OPCML: variants seen among roughly 807,000 people sequenced by gnomAD.
The protein encoded by OPCML is opioid binding protein/cell adhesion molecule like.
Under a neutral mutation model 37.8 loss-of-function variants are expected in OPCML, and 13 were observed. That is an observed-to-expected ratio of 0.34 (90% CI 0.22 to 0.55). The LOEUF (loss-of-function observed/expected upper bound fraction) is 0.55, where lower values mean the gene tolerates loss of function less well. Among genes scored for constraint, OPCML ranks in the 20% least tolerant of loss-of-function variants. The probability of loss-of-function intolerance (pLI) is 0.91; values close to 1 mark genes in which losing one functional copy is unlikely to be tolerated. For missense variants in OPCML, 341 were observed against 435.6 expected, an observed-to-expected ratio of 0.78 and a Z score of 1.93; for synonymous variants, 176 against 168.8, an observed-to-expected ratio of 1.04 and a Z score of -0.33.
intron 4 of OPCML, among the ~76,000 whole-genome samples, chr11:132,520,763 T>C (rs1430361657): frequency 1.3e-5 from 2 of 152,036 alleles, no homozygotes; most frequent in East Asian, 3.9e-4. Flanking sequence ...ACATTTTCTT[T>C]ATCCAGTCTA....
chr11:133,296,778 TG>T (rs1942641829), intron 1 of OPCML, among the ~76,000 whole-genome samples: 2 of 152,262 alleles, frequency 1.3e-5, no homozygotes, highest in African/African-American at 4.8e-5. Flanking sequence ...TTATTTGTGA[TG>T]TCATTGGTAG....
chr11:132,516,811 C>T (rs143474766), intron 4 of OPCML, among the ~76,000 whole-genome samples: 34 of 152,222 alleles, frequency 2.2e-4, no homozygotes, highest in African/African-American at 7.7e-4. Context: ...TGCACTCAGT[C>T]GGTGATGACC....
At chr11:133,230,352 A>G (rs1025019231) in intron 1 of OPCML, among the ~76,000 whole-genome samples, 2 of 152,078 alleles carry the variant, frequency 1.3e-5, no homozygotes, top group Non-Finnish European at 2.9e-5. Context: ...GATTGTGGCA[A>G]AGGCATTCAC....
rs1420164636 is a variant in OPCML at position 133,141,931 on chromosome 11, C to CT, written c.62-198922dup. On this transcript the variant is annotated intron_variant, in intron 1 of 7. Coordinates refer to ENST00000524381, the MANE Select transcript of OPCML (RefSeq NM_001012393.5). ...TCCTTTCATTCTCATTACCTCCACC[C>CT]TGACTTTCAAGCTGTCCTCATTACT... Among the ~76,000 whole-genome samples the CT allele has an allele frequency of 3.3e-5, 5 of 152,314 alleles. No homozygotes were observed. The East Asian group carries it at 9.7e-4, about 29-fold the overall frequency.
intron 1 of OPCML, among the ~76,000 whole-genome samples, chr11:133,049,492 T>C (rs1443785440): frequency 1.3e-5 from 2 of 152,166 alleles, no homozygotes; most frequent in Non-Finnish European, 2.9e-5. Context: ...AGTGTCTTCG[T>C]CTGTAAAATG....
At chr11:132,428,233 T>C (rs1481894799) in intron 7 of OPCML, among the ~76,000 whole-genome samples, 2 of 152,176 alleles carry the variant, frequency 1.3e-5, no homozygotes, top group Admixed American at 1.3e-4. Flanking sequence ...AAAATAGTCA[T>C]TTGGCTTCCC....
intron 3 of OPCML, among the ~76,000 whole-genome samples, chr11:132,624,868 G>A (rs1470457823): frequency 1.3e-5 from 2 of 151,964 alleles, no homozygotes; most frequent in African/African-American, 4.8e-5. Flanking sequence ...GCTAGATTTA[G>A]CAAGCACAGC....
intron 1 of OPCML, among the ~76,000 whole-genome samples, chr11:133,277,641 A>G (rs1270813758): frequency 6.6e-6 from 1 of 152,086 alleles, no homozygotes; most frequent in East Asian, 1.9e-4. Context: ...ATGATTCCTT[A>G]TCATATGTAT....
chr11:133,115,373 T>A (rs116197495), intron 1 of OPCML, among the ~76,000 whole-genome samples: 158 of 152,198 alleles, frequency 1.0e-3, no homozygotes, highest in African/African-American at 3.7e-3. Flanking sequence ...ATTACAGTAA[T>A]GGAGGTGAGG....
rs537595259 is a variant in OPCML at position 133,211,060 on chromosome 11, T to C, written c.62-268050A>G. Among the ~76,000 whole-genome samples, 1 of 152,256 alleles carries C rather than the reference T, an allele frequency of 6.6e-6. No individual in the cohort carries two copies. Among genetic ancestry groups the C allele is most frequent in the South Asian group, 2.1e-4 (1 of 4,824 alleles). ...CTCTCTACAAACTATAACCACCTAG[T>C]AATAGAAATGAAATGAGGCATCATT... On this transcript the variant is annotated intron_variant, in intron 1 of 7. Transcript: ENST00000524381. The surrounding 1 kb of genome is among the most constrained non-coding windows in gnomAD (Gnocchi z 4.1).
At chr11:132,469,732 ATGTGTGTGTATGTGTGGAGGGGTGTGAG>A (rs1351399238) in intron 4 of OPCML, among the ~76,000 whole-genome samples, 4 of 85,168 alleles carry the variant, frequency 4.7e-5, no homozygotes, top group Non-Finnish European at 8.6e-5. Context: ...GTGTGTGTGT[ATGTGTGTGTATGTGTGGAGGGGTGTGAG>A]TGTGTGTGTA....
chr11:133,437,188 G>T (rs1384313938), intron 1 of OPCML, among the ~76,000 whole-genome samples: 1 of 152,152 alleles, frequency 6.6e-6, no homozygotes, highest in Non-Finnish European at 1.5e-5. Context: ...GACCCAGATT[G>T]TAGTTTGTTA....
Position 132,416,151 on chromosome 11 carries a change from CT to C in OPCML, c.*4041del, listed in dbSNP as rs1270374499. ...TTTTTCCAAAAAGAAAAACCTTATG[CT>C]GCTTCCCTTAATTCCAAAGGGATTG... On this transcript the variant is annotated 3_prime_UTR_variant, in exon 8 of 8. Coordinates refer to ENST00000524381, the MANE Select transcript of OPCML (RefSeq NM_001012393.5). 1 of 152,198 alleles carries C rather than the reference CT, an allele frequency of 6.6e-6. No individual in the cohort carries two copies. Among genetic ancestry groups the C allele is most frequent in the East Asian group, 1.9e-4 (1 of 5,194 alleles). The allele number at this position is 152,198 out of a possible 1,614,324, so 9.4% of individuals were successfully genotyped here.
intron 1 of OPCML, among the ~76,000 whole-genome samples, chr11:133,375,883 A>G (rs568734764): frequency 1.3e-5 from 2 of 152,310 alleles, no homozygotes; most frequent in East Asian, 1.9e-4. Context: ...ATGAATTTGA[A>G]AAGTGCCTTA....
chr11:132,801,513 T>A (rs905926331), intron 2 of OPCML, among the ~76,000 whole-genome samples: 5 of 152,194 alleles, frequency 3.3e-5, no homozygotes, highest in African/African-American at 1.2e-4. Context: ...TCCAGGTATA[T>A]TTAAATAAAA....
At chr11:133,183,080 C>G (rs1937910831) in intron 1 of OPCML, among the ~76,000 whole-genome samples, 1 of 152,118 alleles carries the variant, frequency 6.6e-6, no homozygotes, top group Non-Finnish European at 1.5e-5. Flanking sequence ...AATAAAATCT[C>G]ATTAATAAAG....
chr11:133,209,538 T>C (rs1318658952), intron 1 of OPCML, among the ~76,000 whole-genome samples: 1 of 152,184 alleles, frequency 6.6e-6, no homozygotes, highest in Non-Finnish European at 1.5e-5. Flanking sequence ...AAGGTGCTAA[T>C]AGAATATAAA....
chr11:132,902,840 C>T (rs1163485237), intron 2 of OPCML, among the ~76,000 whole-genome samples: 1 of 152,098 alleles, frequency 6.6e-6, no homozygotes, highest in African/African-American at 2.4e-5. Flanking sequence ...TAAAAGTTGT[C>T]ACCACACCCA....
At chr11:132,649,966 GTTTCTTCTGCA>G in intron 3 of OPCML, among the ~76,000 whole-genome samples, 1 of 151,544 alleles carries the variant, frequency 6.6e-6, no homozygotes, top group Non-Finnish European at 1.5e-5. Context: ...TTTCATGTCT[GTTTCTTCTGCA>G]GTCACATGCA....
Sources: gnomAD v4.1 joint callset for allele counts (sites outside exome capture counted in the v4.1 genomes callset) on GRCh38, gnomAD v4.1.1 for gene constraint, Gnocchi (gnomAD v3.1) non-coding constraint, MANE v1.5 for transcripts, NCBI Gene and HGNC (gene_info 2026-07-23, HGNC 2026-07-21) for gene names.